The following CNTNAP2 variants were observed in gnomAD, a reference collection of about 807,000 sequenced individuals.
CNTNAP2 encodes contactin associated protein 2.
In CNTNAP2, 98 loss-of-function variants were observed where a neutral mutation model predicts 155.2. The ratio of observed to expected loss-of-function variants is 0.63; its 90% CI spans 0.54 to 0.75. The LOEUF (loss-of-function observed/expected upper bound fraction) is 0.75, where lower values mean the gene tolerates loss of function less well. Among genes scored for constraint, CNTNAP2 ranks in the 30% least tolerant of loss-of-function variants. The probability of loss-of-function intolerance (pLI) is 0.00; values close to 1 mark genes in which losing one functional copy is unlikely to be tolerated. For missense variants in CNTNAP2, 1,727 were observed against 1,688.1 expected (o/e 1.02, Z -0.40); for synonymous variants, 651 against 631.2 (o/e 1.03, Z -0.47).
chr7:147,529,483 A>C (rs1412371959), intron 11 of CNTNAP2, among the ~76,000 whole-genome samples: 1 of 151,868 alleles, frequency 6.6e-6, no homozygotes, highest in Non-Finnish European at 1.5e-5. Flanking sequence ...ACAACATAAC[A>C]CTGTGGCTTT....
At chr7:147,350,262 C>T (rs947268940) in intron 9 of CNTNAP2, among the ~76,000 whole-genome samples, 11 of 151,882 alleles carry the variant, frequency 7.2e-5, no homozygotes, top group Admixed American at 5.3e-4. Flanking sequence ...AATTTCTCCT[C>T]TCTGATGTGA....
intron 3 of CNTNAP2, among the ~76,000 whole-genome samples, chr7:146,860,003 C>A (rs1414584987): frequency 6.6e-6 from 1 of 152,102 alleles, no homozygotes; most frequent in Non-Finnish European, 1.5e-5. Context: ...TTGAGATTAC[C>A]TTTAGAGGTG....
At chr7:148,403,357 C>G (rs1480615821) in intron 22 of CNTNAP2, among the ~76,000 whole-genome samples, 2 of 152,048 alleles carry the variant, frequency 1.3e-5, no homozygotes, top group Non-Finnish European at 2.9e-5. Flanking sequence ...TTATAAGACT[C>G]TAAATCAGAC....
At chr7:148,333,321 G>A (rs1258899034) in intron 21 of CNTNAP2, among the ~76,000 whole-genome samples, 2 of 151,902 alleles carry the variant, frequency 1.3e-5, no homozygotes, top group East Asian at 1.9e-4. Flanking sequence ...CCAGCTACTC[G>A]GGAGGCTGAG....
chr7:146,573,535 C>T (rs1798475114), intron 1 of CNTNAP2, among the ~76,000 whole-genome samples: 1 of 152,112 alleles, frequency 6.6e-6, no homozygotes, highest in South Asian at 2.1e-4. Flanking sequence ...ACCCAAAGCA[C>T]AACTCAAGCA....
rs903394268 is a variant in CNTNAP2, at chr7:147,032,268, C to T, written c.403-11639C>T. Among the ~76,000 whole-genome samples, 5 of 152,282 alleles carry T rather than the reference C, an allele frequency of 3.3e-5. No homozygotes were observed. In the East Asian group the frequency reaches 9.7e-4, roughly 29 times the overall value. On this transcript the variant is annotated intron_variant, in intron 3 of 23. Transcript: ENST00000361727. The stretch of plus-strand genomic sequence containing the variant: ...TAAAATGTATTATGATATAGGTAAG[C>T]ACAGAATTTCAGAATGAGCATCAAG...
intron 8 of CNTNAP2, among the ~76,000 whole-genome samples, chr7:147,278,939 A>C (rs1288323022): frequency 2.0e-5 from 3 of 151,366 alleles, no homozygotes; most frequent in Admixed American, 2.0e-4. Flanking sequence ...TAAATGTAAA[A>C]TTGAATGAAT....
chr7:146,839,401 G>C (rs765285894), intron 2 of CNTNAP2, among the ~76,000 whole-genome samples: 5 of 152,076 alleles, frequency 3.3e-5, no homozygotes, highest in Non-Finnish European at 7.4e-5. Context: ...AGAGTTTATG[G>C]TAAATTGGTC....
chr7:147,520,741 T>A (rs1211724585), intron 11 of CNTNAP2, among the ~76,000 whole-genome samples: 1 of 152,194 alleles, frequency 6.6e-6, no homozygotes, highest in African/African-American at 2.4e-5. Context: ...ACTTTGTATT[T>A]TACTTTCCAG....
At chr7:147,924,013 G>A (rs1340980455) in intron 14 of CNTNAP2, among the ~76,000 whole-genome samples, 1 of 152,174 alleles carries the variant, frequency 6.6e-6, no homozygotes, top group Non-Finnish European at 1.5e-5. Context: ...ATTCCCCTCT[G>A]CCAGCACATT....
At chr7:147,320,833 G>A (rs1389975933) in intron 9 of CNTNAP2, among the ~76,000 whole-genome samples, 1 of 152,102 alleles carries the variant, frequency 6.6e-6, no homozygotes, top group Non-Finnish European at 1.5e-5. Context: ...ATCTGAGAAG[G>A]GCATTCTGCT....
At chr7:146,329,945 T>C (rs1432320592) in intron 1 of CNTNAP2, among the ~76,000 whole-genome samples, 1 of 152,064 alleles carries the variant, frequency 6.6e-6, no homozygotes, top group Non-Finnish European at 1.5e-5. Context: ...TTCTCCAACT[T>C]TATTTTTCAT....
chr7:147,052,290 G>A (rs978293117), intron 4 of CNTNAP2, among the ~76,000 whole-genome samples: 1 of 152,080 alleles, frequency 6.6e-6, no homozygotes, highest in Non-Finnish European at 1.5e-5. Context: ...CTGGGAGGAG[G>A]AGACAGCAAG....
intron 1 of CNTNAP2, among the ~76,000 whole-genome samples, chr7:146,206,439 C>G (rs7795488): frequency 0.31 from 46,411 of 151,626 alleles, 8,318 homozygotes; most frequent in African/African-American, 0.5. Context: ...TGTTAGGACA[C>G]AGTATTTCTG....
At chr7:148,310,189 AGGGGGT>A (rs2116515767) in intron 21 of CNTNAP2, among the ~76,000 whole-genome samples, 1 of 152,356 alleles carries the variant, frequency 6.6e-6, no homozygotes, top group African/African-American at 2.4e-5. Flanking sequence ...AGAGTGTCCA[AGGGGGT>A]TCAGCATAAT....
chr7:147,235,234 T>C (rs1416552760), intron 8 of CNTNAP2, among the ~76,000 whole-genome samples: 1 of 152,140 alleles, frequency 6.6e-6, no homozygotes, highest in African/African-American at 2.4e-5. Flanking sequence ...CTATAGGCTT[T>C]CCTGGGTCTC....
At chr7:146,433,268 T>C (rs1796196787) in intron 1 of CNTNAP2, among the ~76,000 whole-genome samples, 1 of 152,136 alleles carries the variant, frequency 6.6e-6, no homozygotes, top group South Asian at 2.1e-4. Flanking sequence ...ATTCAAAACG[T>C]AAAAGCTATC....
chr7:146,792,212 T>C (rs1802687006), intron 2 of CNTNAP2, among the ~76,000 whole-genome samples: 2 of 152,128 alleles, frequency 1.3e-5, no homozygotes, highest in African/African-American at 4.8e-5. Flanking sequence ...CATTGCAATC[T>C]TTCTTTTTCC....
At chr7:146,868,014 CTTAAGT>C (rs1398748807) in intron 3 of CNTNAP2, among the ~76,000 whole-genome samples, 2 of 152,248 alleles carry the variant, frequency 1.3e-5, no homozygotes, top group Middle Eastern at 3.4e-3. Flanking sequence ...CAGAAACGCT[CTTAAGT>C]TTAATTAGAT....
Sources: allele counts gnomAD v4.1 joint callset (sites outside exome capture counted in the v4.1 genomes callset), GRCh38; gene constraint gnomAD v4.1.1; transcripts MANE v1.5; gene names NCBI Gene and HGNC (gene_info 2026-07-23, HGNC 2026-07-21).